HNRNPF: variants seen among roughly 807,000 people sequenced by gnomAD.
HNRNPF encodes HnRNP F protein.
HNRNPF carries 2 observed loss-of-function variants against 26.0 expected under a neutral mutation model. The observed-to-expected ratio is 0.08, with a 90% CI of 0.03 to 0.24. The LOEUF is 0.24. Among genes scored for constraint, HNRNPF ranks in the 10% least tolerant of loss-of-function variants. HNRNPF has a pLI of 1.00. For synonymous variants in HNRNPF, 234 were observed against 211.5 expected (o/e 1.11, Z -0.92); for missense variants, 299 against 539.2 (o/e 0.55, Z 4.41).
chr10:43,389,278 C>T (rs1049214863), intron 3 of HNRNPF, among the ~76,000 whole-genome samples: 1 of 151,986 alleles, frequency 6.6e-6, no homozygotes, highest in African/African-American at 2.4e-5. Context: ...AGCTGGAAAT[C>T]GAATGTTTCA....
chr10:43,393,536 C>T (rs906685058), intron 3 of HNRNPF, among the ~76,000 whole-genome samples: 4 of 151,618 alleles, frequency 2.6e-5, no homozygotes, highest in Admixed American at 2.6e-4. Context: ...GCAGAGGTTG[C>T]GGTGAGCCAA....
chr10:43,408,817 T>C (rs1174630710), intron 1 of HNRNPF: 1 of 152,390 alleles, frequency 6.6e-6, no homozygotes, highest in Non-Finnish European at 1.5e-5. Context: ...CGCGGGGAAC[T>C]TGGCAGTTGT....
chr10:43,396,920 G>A (rs1431822555), intron 1 of HNRNPF: 2 of 146,182 alleles, frequency 1.4e-5, no homozygotes, highest in Non-Finnish European at 3.0e-5. Flanking sequence ...GGAGGGGAGG[G>A]GGCCCCTGGC....
Position 43,405,484 on chromosome 10 carries a change from G to A in HNRNPF, c.-247+3647C>T, listed in dbSNP as rs193167853. ...ATCCCTGCTAACATGATGAAACCCCGCCTCTACTAAAAATACAAAAAATTA... is the reference window on the plus strand; with the variant it reads ...ATCCCTGCTAACATGATGAAACCCCACCTCTACTAAAAATACAAAAAATTA... On this transcript the variant is annotated intron_variant, in intron 1 of 3. Coordinates refer to ENST00000682386, the MANE Select transcript of HNRNPF (RefSeq NM_001098204.2). Among the ~76,000 whole-genome samples, 123 of 151,928 alleles carry A rather than the reference G, an allele frequency of 8.1e-4. No individual in the cohort carries two copies. In the South Asian group the frequency reaches 0.01, roughly 13 times the overall value.
chr10:43,399,486 G>T (rs988817933), intron 1 of HNRNPF, among the ~76,000 whole-genome samples: 9 of 152,222 alleles, frequency 5.9e-5, no homozygotes, highest in Non-Finnish European at 1.3e-4. Flanking sequence ...TGCAACTGCA[G>T]CTAGGTCTGA....
At chr10:43,401,204 A>G (rs1310691505) in intron 1 of HNRNPF, among the ~76,000 whole-genome samples, 4 of 152,272 alleles carry the variant, frequency 2.6e-5, no homozygotes, top group Admixed American at 1.3e-4. Flanking sequence ...GCAACAGGAA[A>G]GCTGTTTTCC....
At chr10:43,407,433 CGG>C (rs1424931446) in intron 1 of HNRNPF, among the ~76,000 whole-genome samples, 1 of 152,118 alleles carries the variant, frequency 6.6e-6, no homozygotes, top group South Asian at 2.1e-4. Context: ...CGGAGCCGAG[CGG>C]GGGTCCCAGG....
chr10:43,390,703 G>A (rs1169751613), intron 3 of HNRNPF, among the ~76,000 whole-genome samples: 1 of 152,140 alleles, frequency 6.6e-6, no homozygotes, highest in East Asian at 1.9e-4. Flanking sequence ...CAGAGCTCTG[G>A]AAGATTCCAA....
In HNRNPF at chr10:43,386,884, T is replaced by C; in HGVS notation, c.1001A>G (p.Glu334Gly). Residue 334 changes from glutamate to glycine, a missense_variant, in exon 4 of 4, where the codon GAG becomes GGG. Transcript: ENST00000682386. ...CACAGCTTCTTCATGAGTAGCAAAC[T>C]CAACATCTGCTTCACCCGTCACTCT... ...DGRVTGEADV[E>G]FATHEEAVAA... The C allele has an allele frequency of 1.9e-6, 3 of 1,614,190 alleles. No homozygotes were observed. Among genetic ancestry groups the C allele is most frequent in the Non-Finnish European group, 2.5e-6 (3 of 1,180,030 alleles).
rs142846992 is a variant in HNRNPF, at chr10:43,402,862, T to TA, written c.-247+6268dup. ...GTTAGGATAAATCTAATAGGAGTCT[T>TA]AATCTGTCATGCCTTTTCTTAATTA... On this transcript the variant is annotated intron_variant, in intron 1 of 3. Coordinates refer to ENST00000682386, the MANE Select transcript of HNRNPF (RefSeq NM_001098204.2). Among the ~76,000 whole-genome samples the TA allele has an allele frequency of 4.7e-3, 721 of 152,002 alleles. 6 individuals are homozygous for TA. Among genetic ancestry groups the TA allele is most frequent in the African/African-American group, 0.017 (696 of 41,396 alleles).
chr10:43,400,230 C>T (rs1838711073), intron 1 of HNRNPF, among the ~76,000 whole-genome samples: 1 of 152,108 alleles, frequency 6.6e-6, no homozygotes, highest in Non-Finnish European at 1.5e-5. Flanking sequence ...AAGTTAAAAG[C>T]CCATTATTCT....
intron 1 of HNRNPF, among the ~76,000 whole-genome samples, chr10:43,405,937 AG>A (rs1396543786): frequency 6.6e-6 from 1 of 151,994 alleles, no homozygotes; most frequent in African/African-American, 2.4e-5. Flanking sequence ...CTGGCAGGGG[AG>A]GGGTGTCCCG....
chr10:43,404,301 TAAA>T (rs5784599), intron 1 of HNRNPF, among the ~76,000 whole-genome samples: 4 of 135,324 alleles, frequency 3.0e-5, no homozygotes, highest in Non-Finnish European at 4.7e-5. Flanking sequence ...AATCCGTCTA[TAAA>T]AAAAAAAAAA....
chr10:43,403,992 GA>G lies in HNRNPF; in HGVS notation c.-247+5138del, dbSNP rs34662897. Among the ~76,000 whole-genome samples the G allele has an allele frequency of 8.6e-4, 121 of 140,486 alleles. 2 individuals carry two copies. Among genetic ancestry groups the G allele is most frequent in the African/African-American group, 2.6e-3 (98 of 38,136 alleles). 92.2% of individuals were successfully genotyped at this position (140,486 alleles called of 152,430 possible). Reference sequence around the variant, plus strand: ...GGGCATCAAAGTGAAACCCTTTCTCGAAAAAAAAAAATGTGGAGGGCTGGGC... The same window carrying G: ...GGGCATCAAAGTGAAACCCTTTCTCGAAAAAAAAAATGTGGAGGGCTGGGC... On this transcript the variant is annotated intron_variant, in intron 1 of 3. Coordinates refer to ENST00000682386, the MANE Select transcript of HNRNPF (RefSeq NM_001098204.2).
intron 1 of HNRNPF, among the ~76,000 whole-genome samples, chr10:43,405,353 G>T (rs1325845758): frequency 6.6e-6 from 1 of 152,130 alleles, no homozygotes; most frequent in Non-Finnish European, 1.5e-5. Flanking sequence ...AAACCAACCA[G>T]CTGTTTAAAA....
intron 3 of HNRNPF, among the ~76,000 whole-genome samples, chr10:43,394,390 CAT>C (rs966155179): frequency 3.9e-5 from 6 of 152,294 alleles, no homozygotes; most frequent in African/African-American, 1.2e-4. Flanking sequence ...TTCCAAAACA[CAT>C]GTGTACACTT....
At position 43,386,604 on chromosome 10, in the gene HNRNPF, AT is replaced by A. The variant is rs768045050; in HGVS notation, c.*32del. 6.7e-7 allele frequency: 1 copy of A among 1,503,326 alleles called. No individual in the cohort carries two copies. The highest frequency in any genetic ancestry group is 8.8e-7 in the Non-Finnish European group (1 of 1,130,166). The allele number at this position is 1,503,326 out of a possible 1,614,324, so 93.1% of individuals were successfully genotyped here. ...AATTGCTTGTTGGCTGCCTGTGAAA[AT>A]GATTGAAGTAACTCAAATGTTCCTA... On this transcript the variant is annotated 3_prime_UTR_variant, in exon 4 of 4. Transcript: ENST00000682386.
intron 1 of HNRNPF, among the ~76,000 whole-genome samples, chr10:43,399,578 G>C (rs1838687757): frequency 6.6e-6 from 1 of 152,208 alleles, no homozygotes; most frequent in Admixed American, 6.5e-5. Context: ...ATGGAATGTG[G>C]TGTGAAAGGA....
intron 1 of HNRNPF, among the ~76,000 whole-genome samples, chr10:43,405,422 C>T (rs962638445): frequency 2.6e-5 from 4 of 151,834 alleles, no homozygotes; most frequent in East Asian, 1.9e-4. Flanking sequence ...TTTGGGAGGC[C>T]GAGGCCGGCG....
Sources: allele counts gnomAD v4.1 joint callset (sites outside exome capture counted in the v4.1 genomes callset), GRCh38; gene constraint gnomAD v4.1.1; transcripts MANE v1.5; gene names NCBI Gene and HGNC (gene_info 2026-07-23, HGNC 2026-07-21).